The following ABCA13 variants were observed in gnomAD, a reference collection of about 807,000 sequenced individuals.
The protein encoded by ABCA13 is ATP binding cassette subfamily A member 13.
A neutral mutation model predicts 478.7 loss-of-function variants in ABCA13; 476 were observed. The observed-to-expected ratio is 0.99, with a 90% CI of 0.92 to 1.07. The LOEUF is 1.07. ABCA13 is among the 50% of genes least tolerant of loss of function. The pLI is 0.00. For synonymous variants in ABCA13, 2,252 were observed against 2,158.9 expected, an observed-to-expected ratio of 1.04 and a Z score of -1.20; for missense variants, 6,060 against 5,910.6, an observed-to-expected ratio of 1.03 and a Z score of -0.83.
intron 1 of ABCA13, among the ~76,000 whole-genome samples, chr7:48,185,864 G>A (rs1796284362): frequency 6.6e-6 from 1 of 151,830 alleles, no homozygotes; most frequent in South Asian, 2.1e-4. Context: ...TATATTTTGA[G>A]GTTAAATGAT....
intron 43 of ABCA13, among the ~76,000 whole-genome samples, chr7:48,464,214 G>A (rs1217614945): frequency 6.6e-6 from 1 of 152,178 alleles, no homozygotes; most frequent in East Asian, 1.9e-4. Context: ...ACAAAAGAGG[G>A]ATAGTTTAGG....
chr7:48,587,830 A>C (rs1052686168), intron 57 of ABCA13, among the ~76,000 whole-genome samples: 1 of 152,242 alleles, frequency 6.6e-6, no homozygotes, highest in Non-Finnish European at 1.5e-5. Flanking sequence ...GAATGAATCA[A>C]AGCATTAATT....
intron 42 of ABCA13, among the ~76,000 whole-genome samples, chr7:48,439,666 G>C (rs769229302): frequency 2.2e-4 from 34 of 152,084 alleles, no homozygotes; most frequent in Middle Eastern, 6.8e-3. Flanking sequence ...TCAAAAACAG[G>C]CACAATCATA....
At chr7:48,186,237 G>A (rs1796334546) in intron 1 of ABCA13, among the ~76,000 whole-genome samples, 1 of 151,932 alleles carries the variant, frequency 6.6e-6, no homozygotes, top group East Asian at 1.9e-4. Flanking sequence ...CTTTAGTGTA[G>A]GTCTGTTGTT....
At chr7:48,457,833 A>G (rs1825835493) in intron 43 of ABCA13, among the ~76,000 whole-genome samples, 1 of 152,202 alleles carries the variant, frequency 6.6e-6, no homozygotes, top group African/African-American at 2.4e-5. Flanking sequence ...CTCAGTTTTT[A>G]TTTTAGTAGA....
intron 41 of ABCA13, among the ~76,000 whole-genome samples, chr7:48,420,454 C>T (rs1820589143): frequency 6.6e-6 from 1 of 152,134 alleles, no homozygotes. Context: ...TCTCTGAAGC[C>T]AAGACAAAAC....
intron 5 of ABCA13, among the ~76,000 whole-genome samples, chr7:48,222,424 T>G (rs1042913771): frequency 2.0e-5 from 3 of 152,222 alleles, no homozygotes; most frequent in Non-Finnish European, 2.9e-5. Flanking sequence ...GCAACTTGAT[T>G]TTCTTGCTCT....
Position 48,352,431 on chromosome 7 carries a change from C to T in ABCA13, c.10632C>T (p.Ala3544=), listed in dbSNP as rs780957870. Residue 3544 remains alanine (A), a synonymous_variant, in exon 31 of 62, where the codon GCC becomes GCT. Transcript: ENST00000435803. ...TTTTGGTGCAGACTGGGCAGGAAGC[C>T]CTGGAACCAGCAGCACAGACTCAGG... is the stretch of plus-strand genomic sequence containing the variant. ...AIILVQTGQE[A]LEPAAQTQAA... The T allele has an allele frequency of 1.9e-5, 30 of 1,612,960 alleles. No homozygotes were observed. In the East Asian group the frequency reaches 4.2e-4, roughly 23 times the overall value.
chr7:48,398,471 A>G (rs1817156840), intron 38 of ABCA13, among the ~76,000 whole-genome samples: 1 of 152,128 alleles, frequency 6.6e-6, no homozygotes, highest in Non-Finnish European at 1.5e-5. Flanking sequence ...TAGATCCAAC[A>G]TGCTCCCTAT....
At chr7:48,260,363 A>G (rs1238229852) in intron 15 of ABCA13, among the ~76,000 whole-genome samples, 1 of 152,050 alleles carries the variant, frequency 6.6e-6, no homozygotes, top group Non-Finnish European at 1.5e-5. Flanking sequence ...TCTGTTTTAA[A>G]TTCTTTGAGA....
chr7:48,340,041 T>C (rs1474667753), intron 29 of ABCA13, among the ~76,000 whole-genome samples: 1 of 152,254 alleles, frequency 6.6e-6, no homozygotes, highest in Non-Finnish European at 1.5e-5. Flanking sequence ...GAAGATATAC[T>C]GATGCAACTT....
chr7:48,200,530 G>A (rs922165448), intron 3 of ABCA13, among the ~76,000 whole-genome samples: 5 of 152,310 alleles, frequency 3.3e-5, no homozygotes, highest in African/African-American at 1.2e-4. Flanking sequence ...GTGGTAGTCA[G>A]GTTAATAGCT....
intron 60 of ABCA13, among the ~76,000 whole-genome samples, chr7:48,644,052 C>T (rs549116578): frequency 1.1e-4 from 17 of 152,240 alleles, no homozygotes; most frequent in African/African-American, 3.9e-4. Context: ...TAGTTATGTT[C>T]TATTTATTTC....
At chr7:48,289,276 A>G (rs959161721) in intron 20 of ABCA13, among the ~76,000 whole-genome samples, 7 of 151,874 alleles carry the variant, frequency 4.6e-5, no homozygotes, top group African/African-American at 1.7e-4. Context: ...TTTTTTTAGA[A>G]CATCAAATTC....
intron 43 of ABCA13, among the ~76,000 whole-genome samples, chr7:48,466,750 A>G (rs1826916844): frequency 6.6e-6 from 1 of 152,200 alleles, no homozygotes; most frequent in Non-Finnish European, 1.5e-5. Flanking sequence ...TGGCAAAACT[A>G]TACTTGTAAT....
intron 48 of ABCA13, among the ~76,000 whole-genome samples, chr7:48,490,658 G>A (rs1829757859): frequency 6.6e-6 from 1 of 152,180 alleles, no homozygotes; most frequent in Non-Finnish European, 1.5e-5. Context: ...TGTATGTTCA[G>A]CTTATATGGA....
At chr7:48,632,456 G>T (rs776691363) in intron 59 of ABCA13, among the ~76,000 whole-genome samples, 145 of 151,858 alleles carry the variant, frequency 9.5e-4, no homozygotes, top group Non-Finnish European at 2.0e-3. Context: ...TGTTGTTTGT[G>T]GTTTTCGTGT....
At chr7:48,611,820 T>C (rs919620475) in intron 58 of ABCA13, 11 of 152,226 alleles carry the variant, frequency 7.2e-5, no homozygotes, top group African/African-American at 2.7e-4. Context: ...GAAACTAATA[T>C]ATAAGTGACT....
At chr7:48,500,702 A>G (rs772041661) in intron 48 of ABCA13, among the ~76,000 whole-genome samples, 1 of 152,096 alleles carries the variant, frequency 6.6e-6, no homozygotes, top group East Asian at 1.9e-4. Context: ...TTCACCCTGC[A>G]CCTCTCTGCC....
Sources: gnomAD v4.1 joint callset for allele counts (sites outside exome capture counted in the v4.1 genomes callset) on GRCh38, gnomAD v4.1.1 for gene constraint, MANE v1.5 for transcripts, NCBI Gene and HGNC (gene_info 2026-07-23, HGNC 2026-07-21) for gene names.